The following PICALM variants were observed in gnomAD, a reference collection of about 807,000 sequenced individuals.
PICALM encodes phosphatidylinositol-binding clathrin assembly protein.
A neutral mutation model predicts 80.5 loss-of-function variants in PICALM; 40 were observed. That is an observed-to-expected ratio of 0.50 (90% CI 0.39 to 0.65). The LOEUF is 0.65. Ranked by LOEUF, PICALM falls within the 30% of genes least tolerant of loss-of-function variation. PICALM has a pLI of 0.00. For synonymous variants in PICALM, 288 were observed against 260.3 expected (o/e 1.11, Z -1.02); for missense variants, 676 against 778.9 (o/e 0.87, Z 1.57).
At chr11:85,989,570 G>C (rs2094696737) in intron 13 of PICALM, among the ~76,000 whole-genome samples, 1 of 152,094 alleles carries the variant, frequency 6.6e-6, no homozygotes, top group Non-Finnish European at 1.5e-5. Context: ...ATTTATTTCA[G>C]CTTCAGCATA....
intron 17 of PICALM, among the ~76,000 whole-genome samples, chr11:85,979,024 T>C (rs1292617367): frequency 6.6e-6 from 1 of 152,080 alleles, no homozygotes; most frequent in Non-Finnish European, 1.5e-5. Flanking sequence ...GTCAAAGAGA[T>C]GGATTTCAAC....
intron 19 of PICALM, among the ~76,000 whole-genome samples, chr11:85,962,246 C>T (rs376701829): frequency 1.4e-3 from 220 of 152,298 alleles, no homozygotes; most frequent in Non-Finnish European, 2.3e-3. Context: ...AAAAGCACAA[C>T]GATTTCAAGT....
chr11:86,065,441 CA>C (rs552979493), intron 1 of PICALM, among the ~76,000 whole-genome samples: 102 of 127,792 alleles, frequency 8.0e-4, no homozygotes, highest in East Asian at 3.0e-3. Flanking sequence ...GACTCCGTCT[CA>C]AAAAAAAAAA....
At chr11:86,038,047 T>C (rs2095874173) in intron 1 of PICALM, among the ~76,000 whole-genome samples, 1 of 152,184 alleles carries the variant, frequency 6.6e-6, no homozygotes, top group Non-Finnish European at 1.5e-5. Flanking sequence ...GGGCCAGGCA[T>C]GGAGGCTTAC....
intron 16 of PICALM, 55 bp from the exon 17 acceptor site, chr11:85,981,283 A>G (rs1225247964): frequency 9.6e-7 from 1 of 1,042,332 alleles, no homozygotes; most frequent in African/African-American, 1.6e-5. Flanking sequence ...AAGTTTCCTT[A>G]GCTATATACT....
intron 1 of PICALM, among the ~76,000 whole-genome samples, chr11:86,036,321 C>T (rs2095843016): frequency 6.6e-6 from 1 of 152,088 alleles, no homozygotes. Context: ...TGAAAGGGAT[C>T]ATAAAATATG....
At chr11:86,001,205 A>C in intron 9 of PICALM, 47 bp from the exon 10 acceptor site, 2 of 1,592,686 alleles carry the variant, frequency 1.3e-6, no homozygotes, top group East Asian at 4.5e-5. Context: ...TAAACACTTC[A>C]CATTACACCC....
At chr11:86,025,124 G>A (rs1013011215) in intron 3 of PICALM, among the ~76,000 whole-genome samples, 1 of 152,140 alleles carries the variant, frequency 6.6e-6, no homozygotes, top group Non-Finnish European at 1.5e-5. Flanking sequence ...ATAGCAGGCC[G>A]GGTGTGGTGG....
At chr11:86,040,381 A>G (rs2095939272) in intron 1 of PICALM, among the ~76,000 whole-genome samples, 1 of 152,122 alleles carries the variant, frequency 6.6e-6, no homozygotes, top group Admixed American at 6.6e-5. Flanking sequence ...ATTTATTTTT[A>G]TAGAGACGAG....
At chr11:85,987,189 TA>T (rs1282923690) in intron 13 of PICALM, among the ~76,000 whole-genome samples, 4 of 152,208 alleles carry the variant, frequency 2.6e-5, no homozygotes, top group African/African-American at 9.6e-5. Flanking sequence ...AACAGGGTAT[TA>T]TTTAAACCTC....
chr11:85,981,317 G>C (rs2094435965), intron 16 of PICALM, 89 bp from the exon 17 acceptor site: 6 of 784,116 alleles, frequency 7.7e-6, no homozygotes, highest in Non-Finnish European at 8.4e-6. Flanking sequence ...GTAAGATAGA[G>C]ACTTGAGGCT....
chr11:85,969,391 T>C (rs2094022716), intron 19 of PICALM, among the ~76,000 whole-genome samples: 1 of 152,178 alleles, frequency 6.6e-6, no homozygotes, highest in Non-Finnish European at 1.5e-5. Flanking sequence ...GCTGTAGAAA[T>C]TAGATTTGAT....
At chr11:86,050,626 G>C (rs779792924) in intron 1 of PICALM, among the ~76,000 whole-genome samples, 1 of 152,058 alleles carries the variant, frequency 6.6e-6, no homozygotes, top group Non-Finnish European at 1.5e-5. Flanking sequence ...AAAATGAAGA[G>C]ATAAAAATAA....
At chr11:86,048,483 C>A (rs965777968) in intron 1 of PICALM, among the ~76,000 whole-genome samples, 1 of 152,100 alleles carries the variant, frequency 6.6e-6, no homozygotes, top group African/African-American at 2.4e-5. Flanking sequence ...CCAAACCTGA[C>A]AACAAATACA....
In PICALM at chr11:85,981,593, C is replaced by T. The variant is rs1281161221; in HGVS notation, c.1679+152G>A. 7.9e-6 allele frequency: 5 copies of T among 633,464 alleles called. No homozygotes were observed. The East Asian group carries it at 8.2e-5, about 10-fold the overall frequency. 39.2% of individuals were successfully genotyped at this position (633,464 alleles called of 1,614,324 possible). On this transcript the variant is annotated intron_variant, in intron 16 of 19. Coordinates refer to ENST00000393346, the MANE Select transcript of PICALM (RefSeq NM_007166.4). ...CTGTACTCCAGCCTGAGCAACAGAG[C>T]GAGACTCCGTGTCAAAAAAAAAAAA...
At chr11:85,971,369 T>C (rs1182220461) in intron 19 of PICALM, among the ~76,000 whole-genome samples, 3 of 152,148 alleles carry the variant, frequency 2.0e-5, no homozygotes, top group South Asian at 2.1e-4. Context: ...AAGGAAATTC[T>C]GGCACTTTTC....
intron 1 of PICALM, among the ~76,000 whole-genome samples, chr11:86,054,737 T>A (rs193167082): frequency 4.0e-4 from 61 of 152,346 alleles, no homozygotes; most frequent in Admixed American, 5.9e-4. Flanking sequence ...TTTTACACTA[T>A]TAGATCTCAG....
chr11:86,069,173 C>A, upstream of PICALM: 1 of 210,132 alleles, frequency 4.8e-6, no homozygotes, highest in Non-Finnish European at 9.8e-6. Flanking sequence ...GCCCCTTTCC[C>A]CTTCCCTTTC....
intron 19 of PICALM, among the ~76,000 whole-genome samples, chr11:85,964,910 C>G (rs567253404): frequency 6.6e-6 from 1 of 152,158 alleles, no homozygotes; most frequent in Non-Finnish European, 1.5e-5. Flanking sequence ...GTGGAATGTA[C>G]AAAGAAATTA....
Sources: allele counts gnomAD v4.1 joint callset (sites outside exome capture counted in the v4.1 genomes callset), GRCh38; gene constraint gnomAD v4.1.1; transcripts MANE v1.5; gene names NCBI Gene and HGNC (gene_info 2026-07-23, HGNC 2026-07-21).